Variants in ADGRA3 observed in about 807,000 individuals in gnomAD.
ADGRA3 encodes G-protein coupled receptor 125.
Under a neutral mutation model 119.8 loss-of-function variants are expected in ADGRA3, and 56 were observed. The ratio of observed to expected loss-of-function variants is 0.47; its 90% CI spans 0.38 to 0.58. The LOEUF is 0.58. Among genes scored for constraint, ADGRA3 ranks in the 20% least tolerant of loss-of-function variants. The pLI, the probability that ADGRA3 is intolerant of heterozygous loss-of-function variation, is 0.00. For missense variants in ADGRA3, 1,516 were observed against 1,649.0 expected (o/e 0.92, Z 1.40); for synonymous variants, 607 against 623.8 (o/e 0.97, Z 0.40).
At chr4:22,392,219 A>T (rs1273131836) in intron 17 of ADGRA3, among the ~76,000 whole-genome samples, 1 of 152,252 alleles carries the variant, frequency 6.6e-6, no homozygotes, top group Non-Finnish European at 1.5e-5. Flanking sequence ...TCAAGGAAAT[A>T]AAAACAGCTG....
chr4:22,402,646 G>C, intron 15 of ADGRA3, 29 bp downstream of exon 15: 1 of 1,601,398 alleles, frequency 6.2e-7, no homozygotes, highest in Non-Finnish European at 8.5e-7. Context: ...AAAGTCCGCA[G>C]ATCTATTTTG....
At chr4:22,412,885 A>G (rs1715264978) in intron 14 of ADGRA3, among the ~76,000 whole-genome samples, 1 of 152,168 alleles carries the variant, frequency 6.6e-6, no homozygotes, top group Non-Finnish European at 1.5e-5. Context: ...GGGAATCTGC[A>G]TCAACAGTCT....
chr4:22,480,754 A>C (rs953127200), intron 1 of ADGRA3, among the ~76,000 whole-genome samples: 1 of 152,208 alleles, frequency 6.6e-6, no homozygotes, highest in Non-Finnish European at 1.5e-5. Context: ...TTCCAATAAT[A>C]GGGGACTTTA....
At chr4:22,461,956 A>C in intron 2 of ADGRA3, 148 bp from the exon 3 acceptor site, 1 of 462,014 alleles carries the variant, frequency 2.2e-6, no homozygotes, top group East Asian at 3.5e-5. Context: ...AGATCAACCC[A>C]GTAGTAAAAG....
rs1577361009 is a variant in ADGRA3 at position 22,458,630 on chromosome 4, C to G, written c.401+3107G>C. 2.6e-5 allele frequency among the ~76,000 whole-genome samples: 4 copies of G among 152,272 alleles called. No homozygotes were observed. In the East Asian group the frequency reaches 5.8e-4, roughly 22 times the overall value. On this transcript the variant is annotated intron_variant, in intron 3 of 18. Transcript: ENST00000334304. ...GAACTGACACCGATCACCACCTTAT[C>G]ATTTTGATTACGCTGCTACACCTGG... is the stretch of plus-strand genomic sequence containing the variant.
chr4:22,403,302 T>G (rs187926919), intron 14 of ADGRA3, among the ~76,000 whole-genome samples: 1 of 152,068 alleles, frequency 6.6e-6, no homozygotes, highest in East Asian at 1.9e-4. Context: ...ATTGGAGACA[T>G]AACGGTAAGA....
chr4:22,498,284 T>C (rs2109163608), intron 1 of ADGRA3, among the ~76,000 whole-genome samples: 1 of 151,920 alleles, frequency 6.6e-6, no homozygotes, highest in South Asian at 2.1e-4. Flanking sequence ...AAATCAAGTG[T>C]TCAGATCCTA....
chr4:22,405,529 G>C (rs1356737133), intron 14 of ADGRA3, among the ~76,000 whole-genome samples: 1 of 144,056 alleles, frequency 6.9e-6, no homozygotes, highest in African/African-American at 2.6e-5. Context: ...CTGGGCAACA[G>C]AGCAAACCCC....
chr4:22,478,182 T>C (rs13125682), intron 1 of ADGRA3: 96,922 of 152,096 alleles, frequency 0.64, 31,543 homozygotes, highest in Non-Finnish European at 0.7. Context: ...CCTTGATGTC[T>C]ACTGCTACCA....
intron 4 of ADGRA3, among the ~76,000 whole-genome samples, chr4:22,452,016 C>T (rs1274614716): frequency 6.6e-6 from 1 of 152,196 alleles, no homozygotes; most frequent in Non-Finnish European, 1.5e-5. Context: ...GGGACAGTAG[C>T]AGCCCATGCA....
intron 1 of ADGRA3, among the ~76,000 whole-genome samples, chr4:22,503,473 G>A (rs1290947603): frequency 2.0e-5 from 3 of 152,146 alleles, no homozygotes; most frequent in African/African-American, 7.2e-5. Context: ...CAACAACTAT[G>A]TTAAAGAACC....
chr4:22,425,865 C>T (rs985295371), intron 10 of ADGRA3, among the ~76,000 whole-genome samples: 4 of 152,284 alleles, frequency 2.6e-5, no homozygotes, highest in African/African-American at 7.2e-5. Context: ...CCTGGAACCA[C>T]GGGGTGAAGC....
chr4:22,504,900 C>G (rs1269107267), intron 1 of ADGRA3, among the ~76,000 whole-genome samples: 1 of 152,082 alleles, frequency 6.6e-6, no homozygotes, highest in Non-Finnish European at 1.5e-5. Flanking sequence ...TACATCAGAA[C>G]ATGAAGTCTG....
At chr4:22,426,710 T>A (rs1169006006) in intron 10 of ADGRA3, among the ~76,000 whole-genome samples, 1 of 152,212 alleles carries the variant, frequency 6.6e-6, no homozygotes, top group Non-Finnish European at 1.5e-5. Context: ...AACACCCTAT[T>A]TTAATGAACT....
intron 3 of ADGRA3, among the ~76,000 whole-genome samples, chr4:22,460,364 C>T (rs941473076): frequency 6.6e-6 from 1 of 152,176 alleles, no homozygotes; most frequent in Non-Finnish European, 1.5e-5. Flanking sequence ...CTGCTCTACC[C>T]TATCTGACTA....
At chr4:22,515,322 A>G in intron 1 of ADGRA3, 1 of 486,872 alleles carries the variant, frequency 2.1e-6, no homozygotes. Context: ...AAACTAGTGG[A>G]GCTGGGAGGC....
chr4:22,430,145 T>G (rs6830873), intron 10 of ADGRA3, among the ~76,000 whole-genome samples: 101,259 of 152,064 alleles, frequency 0.67, 34,507 homozygotes, highest in Non-Finnish European at 0.74. Flanking sequence ...ATGTGGAACT[T>G]TAAGTCCATT....
chr4:22,394,801 G>A (rs545748098), intron 16 of ADGRA3: 2 of 152,266 alleles, frequency 1.3e-5, no homozygotes, highest in South Asian at 4.1e-4. Flanking sequence ...ATTTCCAGAG[G>A]AGGTTTACTC....
At chr4:22,389,348 T>G (rs1714010418) in intron 17 of ADGRA3, among the ~76,000 whole-genome samples, 165 bp from the exon 18 acceptor site, 1 of 152,180 alleles carries the variant, frequency 6.6e-6, no homozygotes. Context: ...TTAGCAGTAA[T>G]GTGTTTTTAT....
Sources: allele counts gnomAD v4.1 joint callset (sites outside exome capture counted in the v4.1 genomes callset), GRCh38; gene constraint gnomAD v4.1.1; transcripts MANE v1.5; gene names NCBI Gene and HGNC (gene_info 2026-07-23, HGNC 2026-07-21).